The following MYRF variants were observed in gnomAD, a reference collection of about 807,000 sequenced individuals.
The protein encoded by MYRF is myelin regulatory factor.
MYRF carries 16 observed loss-of-function variants against 126.3 expected under a neutral mutation model. That is an observed-to-expected ratio of 0.13 (90% CI 0.09 to 0.19). MYRF has a LOEUF of 0.19. Among genes scored for constraint, MYRF ranks in the 10% least tolerant of loss-of-function variants. MYRF has a pLI of 1.00. For missense variants in MYRF, 1,104 were observed against 1,547.0 expected, an observed-to-expected ratio of 0.71 and a Z score of 4.80; for synonymous variants, 608 against 635.3, an observed-to-expected ratio of 0.96 and a Z score of 0.65.
chr11:61,766,037 G>C lies in MYRF; in HGVS notation c.214G>C (p.Val72Leu), dbSNP rs372097423. Residue 72 changes from valine (V) to leucine (L), a missense_variant, in exon 3 of 27, where the codon GTC becomes CTC. Around this residue, in one of 10 missense-constraint regions of MYRF, gnomAD observed 368 missense variants for 403.9 expected, o/e 0.91. Transcript: ENST00000278836. ...GQPAMPGSSGVHHLSPPGGGP... is the reference protein window; with the variant it reads ...GQPAMPGSSGLHHLSPPGGGP... ...GCCTGCGATGCCTGGCTCCAGCGGG[G>C]TCCACCACCTGAGCCCCCCTGGGGG... 2.8e-5 allele frequency: 44 copies of C among 1,597,490 alleles called. No individual in the cohort carries two copies. The highest frequency in any genetic ancestry group is 3.5e-5 in the Non-Finnish European group (41 of 1,174,570).
chr11:61,768,531 A>T (rs2066125297), intron 3 of MYRF: 1 of 152,244 alleles, frequency 6.6e-6, no homozygotes, highest in South Asian at 2.1e-4. Flanking sequence ...TGGCACAGGG[A>T]TGCAGGGGGA....
intron 3 of MYRF, 189 bp downstream of exon 3, chr11:61,766,410 G>T (rs2066062817): frequency 3.5e-6 from 2 of 571,504 alleles, no homozygotes; most frequent in East Asian, 5.9e-5. Context: ...GCTTTGTTCT[G>T]AGGCAGTGGG....
At chr11:61,763,658 G>C (rs1422270128) in intron 1 of MYRF, among the ~76,000 whole-genome samples, 2 of 152,206 alleles carry the variant, frequency 1.3e-5, no homozygotes, top group East Asian at 1.9e-4. Flanking sequence ...GAGGTCAGGA[G>C]TTCAAGACCA....
chr11:61,761,595 C>T lies in MYRF; in HGVS notation c.47-4030C>T, dbSNP rs531849010. ...GACCTGGAGGGGCCCCAGGTAGCCC[C>T]GGCCCTGGCCACAGCATGGCCTGGC... On this transcript the variant is annotated intron_variant, in intron 1 of 26. Transcript: ENST00000278836. Among the ~76,000 whole-genome samples the T allele has an allele frequency of 1.5e-4, 23 of 152,332 alleles. No homozygotes were observed. In the South Asian group the frequency reaches 2.7e-3, roughly 18 times the overall value.
At chr11:61,755,270 G>T in intron 1 of MYRF, 2 of 1,145,268 alleles carry the variant, frequency 1.7e-6, no homozygotes, top group Non-Finnish European at 2.5e-6. Context: ...GGGCTAAGGC[G>T]CTTTGGACCT....
rs2066617283 is a variant in MYRF at position 61,783,781 on chromosome 11, G to A, written c.3120-70G>A. 8 of 1,492,034 alleles carry A rather than the reference G, an allele frequency of 5.4e-6. No individual in the cohort carries two copies. Among genetic ancestry groups the A allele is most frequent in the Non-Finnish European group, 7.3e-6 (8 of 1,092,396 alleles). 92.4% of individuals were successfully genotyped at this position (1,492,034 alleles called of 1,614,324 possible). ...AGGGCTCCAGTACAGATTGGGGGCT[G>A]AGGAGTCCCTGGTGGGGGTGGGGGG... is the stretch of plus-strand genomic sequence containing the variant. On this transcript the variant is annotated intron_variant, in intron 23 of 26. Coordinates refer to ENST00000278836, the MANE Select transcript of MYRF (RefSeq NM_001127392.3). This position sits in a 1 kb window ranked among gnomAD's most constrained non-coding sequence, Gnocchi z 4.6.
intron 1 of MYRF, among the ~76,000 whole-genome samples, chr11:61,765,125 C>G (rs1336175993): frequency 6.6e-6 from 1 of 152,214 alleles, no homozygotes; most frequent in Non-Finnish European, 1.5e-5. Flanking sequence ...GTTCCTGGAG[C>G]TGGGCCATCT....
At chr11:61,755,651 G>A (rs577873423) in intron 1 of MYRF, 273 of 723,930 alleles carry the variant, frequency 3.8e-4, no homozygotes, top group Non-Finnish European at 6.2e-4. Context: ...GACAGGAGGG[G>A]GTGGCAGAGA....
At chr11:61,764,263 C>T (rs1047252120) in intron 1 of MYRF, among the ~76,000 whole-genome samples, 3 of 152,006 alleles carry the variant, frequency 2.0e-5, no homozygotes, top group East Asian at 1.9e-4. Flanking sequence ...GGGGCCTGGG[C>T]GGGGGGCTCC....
At chr11:61,774,535 A>AG (rs1565295957) in intron 8 of MYRF, among the ~76,000 whole-genome samples, 3 of 72,196 alleles carry the variant, frequency 4.2e-5, no homozygotes, top group East Asian at 8.9e-4. Context: ...AAAAAAAAAG[A>AG]AAAAAAAAAA....
At chr11:61,756,521 G>T (rs1056189330) in intron 1 of MYRF, among the ~76,000 whole-genome samples, 7 of 151,956 alleles carry the variant, frequency 4.6e-5, no homozygotes, top group African/African-American at 9.7e-5. Flanking sequence ...GATGGGAGGG[G>T]TGGCCAGGCA....
At chr11:61,767,813 CA>C (rs35214869) in intron 3 of MYRF, among the ~76,000 whole-genome samples, 51 of 64,924 alleles carry the variant, frequency 7.9e-4, no homozygotes, top group Middle Eastern at 0.015. Flanking sequence ...GACCCTGTCT[CA>C]AAAAAAAAAA....
intron 16 of MYRF, 101 bp from the exon 17 acceptor site, chr11:61,779,740 TG>T: frequency 8.0e-7 from 1 of 1,249,032 alleles, no homozygotes; most frequent in Non-Finnish European, 1.1e-6. Context: ...CCCGGGGAAA[TG>T]GGGCACCCCC....
rs2066635865 is a variant in MYRF at position 61,784,371 on chromosome 11, C to T, written c.3286C>T (p.His1096Tyr). 6.2e-7 allele frequency: 1 copy of T among 1,613,456 alleles called. No individual in the cohort carries two copies. The highest frequency in any genetic ancestry group is 1.3e-5 in the African/African-American group (1 of 74,916). The change falls in exon 25 of 27, where the codon CAC (histidine) becomes TAC (tyrosine). Residue 1096 changes from histidine (H) to tyrosine (Y), a missense_variant. Transcript: ENST00000278836. ...EGSLPQSLHT[H>Y]QDTQGTSHRW... ...GAGCCTTCCACAGAGTCTCCACACC[C>T]ACCAGGACACCCAGGTAGGTGGGAC...
chr11:61,771,370 G>C, intron 5 of MYRF, 130 bp from the exon 6 acceptor site: 1 of 1,277,180 alleles, frequency 7.8e-7, no homozygotes, highest in Non-Finnish European at 1.1e-6. Flanking sequence ...AGGGCTTCCT[G>C]AAGGAGGTGT....
At position 61,778,772 on chromosome 11, in the gene MYRF, T is replaced by C. The variant is rs754690017; in HGVS notation, c.2013+283T>C. 1.7e-6 allele frequency: 1 copy of C among 599,512 alleles called. No individual in the cohort carries two copies. Among genetic ancestry groups the C allele is most frequent in the Non-Finnish European group, 3.1e-6 (1 of 319,354 alleles). The allele number at this position is 599,512 out of a possible 1,614,324, so 37.1% of individuals were successfully genotyped here. ...ACCCCCGGTAAAATGAGGGCGGTAA[T>C]AGAACTGCACAGACATCCTCGTATG... On this transcript the variant is annotated intron_variant, in intron 14 of 26. Coordinates refer to ENST00000278836, the MANE Select transcript of MYRF (RefSeq NM_001127392.3). The surrounding 1 kb of genome is among the most constrained non-coding windows in gnomAD (Gnocchi z 4.6).
chr11:61,754,858 TC>T (rs1340539076), intron 1 of MYRF, among the ~76,000 whole-genome samples: 1 of 151,850 alleles, frequency 6.6e-6, no homozygotes, highest in Non-Finnish European at 1.5e-5. Context: ...AGGCCTAGGG[TC>T]TCCAGGCCAC....
At chr11:61,785,578 G>T in intron 25 of MYRF, 1 of 578,754 alleles carries the variant, frequency 1.7e-6, no homozygotes, top group Non-Finnish European at 3.1e-6. Context: ...GCCAGGTGGA[G>T]GTGGCTGTGG....
In MYRF at chr11:61,780,190, G is replaced by A. The variant is rs778588361; in HGVS notation, c.2337-32G>A. On this transcript the variant is annotated intron_variant, in intron 17 of 26. Coordinates refer to ENST00000278836, the MANE Select transcript of MYRF (RefSeq NM_001127392.3). ...GAGAGGGCACTGGATGGTGGCTCCAGCTCTAACGGTCACCCTTTTCTGTGG... is the reference window on the plus strand; with the variant it reads ...GAGAGGGCACTGGATGGTGGCTCCAACTCTAACGGTCACCCTTTTCTGTGG... 3.1e-6 allele frequency: 5 copies of A among 1,611,758 alleles called. No individual in the cohort carries two copies. The Admixed American group carries it at 8.3e-5, about 27-fold the overall frequency.
Sources: allele counts gnomAD v4.1 joint callset (sites outside exome capture counted in the v4.1 genomes callset), GRCh38; gene constraint gnomAD v4.1.1; regional missense constraint gnomAD v4.1.1; non-coding constraint Gnocchi (gnomAD v3.1); transcripts MANE v1.5; gene names NCBI Gene and HGNC (gene_info 2026-07-23, HGNC 2026-07-21).